Variants in KCNJ16 observed in about 807,000 individuals in gnomAD.
KCNJ16 encodes inward rectifier potassium channel 16.
Under a neutral mutation model 18.5 loss-of-function variants are expected in KCNJ16, and 15 were observed. The observed-to-expected ratio is 0.81, with a 90% CI of 0.54 to 1.25. The LOEUF is 1.25. Among genes scored for constraint, KCNJ16 ranks in the 50% most tolerant of loss-of-function variants. The probability of loss-of-function intolerance (pLI) is 0.00; values close to 1 mark genes in which losing one functional copy is unlikely to be tolerated. For missense variants in KCNJ16, 523 were observed against 525.7 expected, an observed-to-expected ratio of 0.99 and a Z score of 0.05; for synonymous variants, 174 against 186.5, an observed-to-expected ratio of 0.93 and a Z score of 0.55.
rs1266339322 is a variant in KCNJ16, at chr17:70,134,626, T to C, written c.*1282T>C. 2 of 167,130 alleles carry C rather than the reference T, an allele frequency of 1.2e-5. No homozygotes were observed. Among genetic ancestry groups the C allele is most frequent in the Non-Finnish European group, 2.9e-5 (2 of 68,140 alleles). 10.4% of individuals were successfully genotyped at this position (167,130 alleles called of 1,614,324 possible). ...CCACATCCACTGAGTAAAGAGTCAC[T>C]TTAAACTTTATAAATCAAAGAGATA... is the stretch of plus-strand genomic sequence containing the variant. On this transcript the variant is annotated 3_prime_UTR_variant, in exon 4 of 4. Transcript: ENST00000392671.
intron 2 of KCNJ16, among the ~76,000 whole-genome samples, chr17:70,111,123 C>A (rs2073167622): frequency 6.6e-6 from 1 of 152,116 alleles, no homozygotes; most frequent in Admixed American, 6.6e-5. Flanking sequence ...AAGCTGTATA[C>A]AAAAGATATA....
At chr17:70,123,435 T>C (rs764106302) in intron 2 of KCNJ16, among the ~76,000 whole-genome samples, 9 of 152,320 alleles carry the variant, frequency 5.9e-5, no homozygotes, top group Admixed American at 2.6e-4. Context: ...TTAATTCCTC[T>C]TCCTCTTTCA....
chr17:70,129,938 ATTTATTTATTTT>A (rs1049295317), intron 2 of KCNJ16, among the ~76,000 whole-genome samples: 7 of 140,942 alleles, frequency 5.0e-5, no homozygotes, highest in East Asian at 1.9e-4. Context: ...TTATTTATTT[ATTTATTTATTTT>A]TTGGCAGAAG....
intron 2 of KCNJ16, among the ~76,000 whole-genome samples, chr17:70,125,369 T>C (rs1268187479): frequency 6.6e-6 from 1 of 152,078 alleles, no homozygotes; most frequent in African/African-American, 2.4e-5. Flanking sequence ...CAGGTTGCTT[T>C]GTGGTAGGAA....
rs891539828 is a variant in KCNJ16, at chr17:70,088,480, C to T, written c.-299-12178C>T. 2.6e-5 allele frequency among the ~76,000 whole-genome samples: 4 copies of T among 152,196 alleles called. No individual in the cohort carries two copies. In the East Asian group the frequency reaches 5.8e-4, roughly 22 times the overall value. ...CCATGGACTGGTCCCGGTCCCTGGC[C>T]TGGGGGTTGAGGACCCCTGTCTTAG... is the stretch of plus-strand genomic sequence containing the variant. On this transcript the variant is annotated intron_variant, in intron 1 of 3. Coordinates refer to ENST00000392671, the MANE Select transcript of KCNJ16 (RefSeq NM_170741.4).
At position 70,097,755 on chromosome 17, in the gene KCNJ16, T is replaced by G. The variant is rs891080737; in HGVS notation, c.-299-2903T>G. ...CCTGATTGCATCTGTATCCACTCTT[T>G]CCTTGCAAAGAACCTTGACTCTTTC... On this transcript the variant is annotated intron_variant, in intron 1 of 3. Coordinates refer to ENST00000392671, the MANE Select transcript of KCNJ16 (RefSeq NM_170741.4). Among the ~76,000 whole-genome samples the G allele has an allele frequency of 2.6e-5, 4 of 152,212 alleles. No homozygotes were observed. The East Asian group carries it at 5.8e-4, about 22-fold the overall frequency.
chr17:70,102,136 A>C (rs2072658229), intron 2 of KCNJ16: 1 of 144,110 alleles, frequency 6.9e-6, no homozygotes, highest in Non-Finnish European at 1.5e-5. Context: ...ATAGTATTCC[A>C]TTCTCTCCCC....
intron 2 of KCNJ16, among the ~76,000 whole-genome samples, chr17:70,114,693 A>C (rs2073330912): frequency 6.6e-6 from 1 of 152,130 alleles, no homozygotes; most frequent in Non-Finnish European, 1.5e-5. Context: ...CTTGAAGGTA[A>C]TGAAGGTCAA....
chr17:70,106,956 A>G (rs1178372562), intron 2 of KCNJ16, among the ~76,000 whole-genome samples: 4 of 152,216 alleles, frequency 2.6e-5, no homozygotes, highest in Non-Finnish European at 4.4e-5. Flanking sequence ...GCCTCAGAAT[A>G]TCTGCTTTAA....
intron 2 of KCNJ16, among the ~76,000 whole-genome samples, chr17:70,106,520 C>T (rs767411243): frequency 2.3e-4 from 35 of 152,046 alleles, no homozygotes; most frequent in Admixed American, 9.8e-4. Context: ...CAGTAATATA[C>T]CAAGTGGTGC....
chr17:70,104,799 T>C (rs1485912850), intron 2 of KCNJ16: 1 of 152,688 alleles, frequency 6.5e-6, no homozygotes, highest in Non-Finnish European at 1.5e-5. Context: ...GACTATCTAC[T>C]ATGCGTAGGC....
chr17:70,103,354 A>T (rs1198059890), intron 2 of KCNJ16, among the ~76,000 whole-genome samples: 3 of 96,696 alleles, frequency 3.1e-5, no homozygotes, highest in African/African-American at 1.1e-4. Context: ...TTTTGTCAAG[A>T]CAGCGTCTCA....
intron 2 of KCNJ16, among the ~76,000 whole-genome samples, chr17:70,119,958 C>T (rs749245709): frequency 5.3e-5 from 8 of 152,212 alleles, no homozygotes; most frequent in Non-Finnish European, 1.2e-4. Context: ...AACTTTTACA[C>T]TCTGCTTCCC....
chr17:70,082,870 T>A (rs774810281), intron 1 of KCNJ16, among the ~76,000 whole-genome samples: 6 of 152,170 alleles, frequency 3.9e-5, no homozygotes, highest in Admixed American at 1.3e-4. Context: ...GGGCCCAAAG[T>A]CAGGAGCTGC....
At chr17:70,114,776 A>G (rs896552631) in intron 2 of KCNJ16, among the ~76,000 whole-genome samples, 1 of 151,572 alleles carries the variant, frequency 6.6e-6, no homozygotes, top group South Asian at 2.1e-4. Flanking sequence ...ATGGCGGGGG[A>G]AAAAAATGCC....
intron 2 of KCNJ16, among the ~76,000 whole-genome samples, chr17:70,118,616 T>C (rs1567799930): frequency 6.6e-6 from 1 of 151,606 alleles, no homozygotes; most frequent in African/African-American, 2.4e-5. Flanking sequence ...AGAGAGAGAA[T>C]TGAGGAGGGA....
intron 1 of KCNJ16, among the ~76,000 whole-genome samples, chr17:70,092,599 A>ATAGG (rs2143727549): frequency 6.6e-6 from 1 of 151,816 alleles, no homozygotes; most frequent in East Asian, 1.9e-4. Context: ...AGATAGATAG[A>ATAGG]TAGATAGATA....
intron 1 of KCNJ16, among the ~76,000 whole-genome samples, chr17:70,095,870 C>CTCTTTTTTTTTTTTTTT (rs1567784556): frequency 1.0e-5 from 1 of 95,390 alleles, no homozygotes; most frequent in African/African-American, 4.1e-5. Flanking sequence ...TTACTTAATC[C>CTCTTTTTTTTTTTTTTT]TTTTTTTTTT....
At chr17:70,078,624 A>T (rs978031786) in intron 1 of KCNJ16, among the ~76,000 whole-genome samples, 1 of 152,176 alleles carries the variant, frequency 6.6e-6, no homozygotes, top group African/African-American at 2.4e-5. Context: ...TTTAAATCAG[A>T]GGCATGTTCT....
Sources: allele counts gnomAD v4.1 joint callset (sites outside exome capture counted in the v4.1 genomes callset), GRCh38; gene constraint gnomAD v4.1.1; transcripts MANE v1.5; gene names NCBI Gene and HGNC (gene_info 2026-07-23, HGNC 2026-07-21).